The following ANKAR variants were observed in gnomAD, a reference collection of about 807,000 sequenced individuals.
ANKAR encodes the protein ankyrin and armadillo repeat-containing protein.
In ANKAR, 136 loss-of-function variants were observed where a neutral mutation model predicts 146.2. The ratio of observed to expected loss-of-function variants is 0.93; its 90% CI spans 0.81 to 1.07. The LOEUF (loss-of-function observed/expected upper bound fraction) is 1.07, where lower values mean the gene tolerates loss of function less well. Ranked by LOEUF, ANKAR falls within the 50% of genes least tolerant of loss-of-function variation. ANKAR has a pLI of 0.00. For missense variants in ANKAR, 1,567 were observed against 1,679.9 expected (o/e 0.93, Z 1.18); for synonymous variants, 500 against 575.8 (o/e 0.87, Z 1.88).
chr2:189,762,546 A>C (rs1308545144), downstream of ANKAR: 8 of 968,488 alleles, frequency 8.3e-6, no homozygotes, highest in South Asian at 2.9e-4. Context: ...TCGGGCCAAG[A>C]AAGCTGCAGG....
intron 8 of ANKAR, 61 bp downstream of exon 8, chr2:189,705,285 AG>A (rs201327928): frequency 1.8e-6 from 2 of 1,091,626 alleles, no homozygotes; most frequent in Admixed American, 2.2e-5. Flanking sequence ...TAAAAAAAAA[AG>A]AAGAAAGAAA....
At chr2:189,753,850 A>C (rs1003944280) in intron 18 of ANKAR, 107 of 1,530,966 alleles carry the variant, frequency 7.0e-5, no homozygotes, top group Non-Finnish European at 8.9e-5. Flanking sequence ...CACAAGGTCA[A>C]GGTCTTGGGA....
At position 189,705,057 on chromosome 2, in the gene ANKAR, C is replaced by A. The variant is rs1314516046; in HGVS notation, c.1743C>A (p.Cys581Ter). Residue 581 changes from cysteine to a stop codon, truncating the protein, a stop_gained, in exon 8 of 23, where the codon TGC (cysteine) becomes TGA (stop). Transcript: ENST00000684021. LOFTEE classifies it high-confidence loss of function. ...CTCTACACCTTGCTGCACAGGCTTG[C>A]TCATTAGAAACAACAGTTTGTCTAC... ...PTPLHLAAQACSLETTVCLLC... is the reference protein window; with the variant it reads ...PTPLHLAAQA The A allele has an allele frequency of 6.2e-7, 1 of 1,613,874 alleles. No homozygotes were observed. The highest frequency in any genetic ancestry group is 1.1e-5 in the South Asian group (1 of 91,080).
intron 6 of ANKAR, among the ~76,000 whole-genome samples, chr2:189,695,464 T>A (rs1486343193): frequency 6.6e-6 from 1 of 152,246 alleles, no homozygotes; most frequent in African/African-American, 2.4e-5. Flanking sequence ...CTAGTTCTAT[T>A]ATTATCATTC....
chr2:189,707,279 A>G (rs1235622829), intron 9 of ANKAR, 133 bp downstream of exon 9: 2 of 444,726 alleles, frequency 4.5e-6, no homozygotes, highest in Non-Finnish European at 7.5e-6. Flanking sequence ...TAAACATTTT[A>G]TTAAGACCAG....
chr2:189,680,200 A>G (rs376373094), intron 2 of ANKAR, among the ~76,000 whole-genome samples: 3 of 152,070 alleles, frequency 2.0e-5, no homozygotes, highest in African/African-American at 4.8e-5. Flanking sequence ...GAATTTATCC[A>G]TCTCCTCTAG....
At chr2:189,724,135 A>T (rs929800074) in intron 12 of ANKAR, among the ~76,000 whole-genome samples, 3 of 152,144 alleles carry the variant, frequency 2.0e-5, no homozygotes, top group African/African-American at 7.2e-5. Flanking sequence ...TTTATTCTTA[A>T]CATTTCTGAG....
At chr2:189,742,963 CA>C (rs1559147918) in intron 20 of ANKAR, among the ~76,000 whole-genome samples, 56 of 141,994 alleles carry the variant, frequency 3.9e-4, no homozygotes, top group Non-Finnish European at 7.5e-4. Context: ...CACACACACA[CA>C]CACACACACA....
chr2:189,696,194 T>G lies in ANKAR; in HGVS notation c.1533T>G (p.Ser511=). 6.2e-7 allele frequency: 1 copy of G among 1,614,108 alleles called. No individual in the cohort carries two copies. Among genetic ancestry groups the G allele is most frequent in the East Asian group, 2.2e-5 (1 of 44,874 alleles). ...GMKSAVERGL[S]AVFHTFSRKT... is the part of the protein sequence containing the mutation. ...AGTCCGCTGTTGAAAGAGGGTTGTC[T>G]GCAGTTTTCCACACATTTAGCCGTA... Residue 511 remains serine, a synonymous_variant, in exon 7 of 23, where the codon TCT becomes TCG. Transcript: ENST00000684021.
rs1466128320 is a variant in ANKAR at position 189,689,716 on chromosome 2, A to C, written c.791A>C (p.Glu264Ala). The change falls in exon 3 of 23, where the codon GAA (glutamate) becomes GCA (alanine). Residue 264 changes from glutamate to alanine, a missense_variant. Glu to Ala is a moderately radical substitution (Grantham distance 107). Transcript: ENST00000684021. ...IQQYENVFIF[E>A]TGYWLTNAIK... ...CAGTATGAAAATGTCTTTATATTTGAAACAGGCTATTGGCTTACTAATGCT... is the reference window on the plus strand; with the variant it reads ...CAGTATGAAAATGTCTTTATATTTGCAACAGGCTATTGGCTTACTAATGCT... 2 of 1,613,606 alleles carry C rather than the reference A, an allele frequency of 1.2e-6. No homozygotes were observed. The highest frequency in any genetic ancestry group is 8.5e-7 in the Non-Finnish European group (1 of 1,179,662).
intron 10 of ANKAR, among the ~76,000 whole-genome samples, chr2:189,715,303 A>G (rs1055247852): frequency 6.6e-6 from 1 of 152,216 alleles, no homozygotes; most frequent in Non-Finnish European, 1.5e-5. Context: ...AGAGAATACT[A>G]TAAACACCCC....
At chr2:189,753,883 G>GT in intron 18 of ANKAR, 1 of 1,606,324 alleles carries the variant, frequency 6.2e-7, no homozygotes, top group Non-Finnish European at 8.5e-7. Flanking sequence ...ATTGCAAAGT[G>GT]TAACTATTAC....
chr2:189,756,381 T>TA (rs1349924261), intron 18 of ANKAR, among the ~76,000 whole-genome samples: 1 of 152,146 alleles, frequency 6.6e-6, no homozygotes, highest in East Asian at 1.9e-4. Context: ...AGCAATAAAA[T>TA]AGAGTCTGCA....
At chr2:189,721,062 A>G (rs1202727085) in intron 12 of ANKAR, among the ~76,000 whole-genome samples, 1 of 152,180 alleles carries the variant, frequency 6.6e-6, no homozygotes, top group African/African-American at 2.4e-5. Context: ...ATGTCAGCTC[A>G]CTGCAAACTC....
Position 189,705,183 on chromosome 2 carries a change from T to A in ANKAR, c.1869T>A (p.Cys623Ter), listed in dbSNP as rs2038752266. ...ACGTTTGCATCATTATTGCTCTCTG[T>A]AGGAAGGATCCTAGTTTGCTAGAAG... ...YDNVCIIIAL[C>*]RKDPSLLEAE... is the part of the protein sequence containing the mutation. Residue 623 changes from cysteine (C) to a stop codon, truncating the protein, a stop_gained, in exon 8 of 23, where the codon TGT becomes TGA. Transcript: ENST00000684021. LOFTEE classifies it high-confidence loss of function. 6.2e-7 allele frequency: 1 copy of A among 1,614,022 alleles called. No individual in the cohort carries two copies. The highest frequency in any genetic ancestry group is 8.5e-7 in the Non-Finnish European group (1 of 1,180,014).
At chr2:189,681,190 A>T (rs1451812345) in intron 2 of ANKAR, among the ~76,000 whole-genome samples, 2 of 152,220 alleles carry the variant, frequency 1.3e-5, no homozygotes, top group African/African-American at 4.8e-5. Flanking sequence ...ATAGAAGTCA[A>T]ATTCTAGAAA....
chr2:189,711,627 G>A (rs559160116), intron 10 of ANKAR, among the ~76,000 whole-genome samples: 8 of 152,220 alleles, frequency 5.3e-5, no homozygotes, highest in South Asian at 2.1e-4. Context: ...ACTGGGGTCC[G>A]TTCCAAGATG....
At chr2:189,726,945 TTC>T (rs2041941785) in intron 12 of ANKAR, among the ~76,000 whole-genome samples, 1 of 152,260 alleles carries the variant, frequency 6.6e-6, no homozygotes, top group Middle Eastern at 3.4e-3. Flanking sequence ...TATACAGGAA[TTC>T]TCTGACTTAT....
chr2:189,755,856 A>G (rs530025918), intron 18 of ANKAR, among the ~76,000 whole-genome samples: 2 of 152,210 alleles, frequency 1.3e-5, no homozygotes, highest in South Asian at 2.1e-4. Flanking sequence ...AGTTTTGAGC[A>G]TGGGAAGGAC....
Sources: gnomAD v4.1 joint callset for allele counts (sites outside exome capture counted in the v4.1 genomes callset) on GRCh38, gnomAD v4.1.1 for gene constraint, MANE v1.5 for transcripts, NCBI Gene and HGNC (gene_info 2026-07-23, HGNC 2026-07-21) for gene names.